Variants in BIRC6 observed in about 807,000 individuals in gnomAD.
BIRC6 encodes baculoviral IAP repeat containing 6.
Under a neutral mutation model 503.3 loss-of-function variants are expected in BIRC6, and 98 were observed. The ratio of observed to expected loss-of-function variants is 0.19; its 90% CI spans 0.17 to 0.23. BIRC6 has a LOEUF of 0.23. Ranked by LOEUF, BIRC6 falls within the 10% of genes least tolerant of loss-of-function variation. BIRC6 has a pLI of 1.00. For synonymous variants in BIRC6, 2,240 were observed against 2,078.7 expected, an observed-to-expected ratio of 1.08 and a Z score of -2.11; for missense variants, 5,360 against 5,806.0, an observed-to-expected ratio of 0.92 and a Z score of 2.50.
chr2:32,504,688 T>C (rs1285418074), intron 49 of BIRC6, among the ~76,000 whole-genome samples: 2 of 151,500 alleles, frequency 1.3e-5, no homozygotes, highest in African/African-American at 2.4e-5. Context: ...AATAAATAAA[T>C]AAATAATAAA....
At chr2:32,496,320 G>A (rs1470120955) in intron 45 of BIRC6, among the ~76,000 whole-genome samples, 1 of 151,804 alleles carries the variant, frequency 6.6e-6, no homozygotes, top group Admixed American at 6.6e-5. Context: ...CCACCTCCTG[G>A]GTTCGTGCAA....
intron 53 of BIRC6, among the ~76,000 whole-genome samples, chr2:32,511,713 C>T (rs1231716253): frequency 1.3e-5 from 2 of 151,568 alleles, no homozygotes; most frequent in Non-Finnish European, 2.9e-5. Context: ...GTGTAGCATC[C>T]ATATTAGAAA....
At chr2:32,553,990 C>CA (rs1399256189) in intron 65 of BIRC6, among the ~76,000 whole-genome samples, 3 of 152,108 alleles carry the variant, frequency 2.0e-5, no homozygotes, top group African/African-American at 7.2e-5. Flanking sequence ...TTGTAGGCCA[C>CA]AATCATTTTT....
intron 1 of BIRC6, among the ~76,000 whole-genome samples, chr2:32,375,539 G>A (rs556535719): frequency 3.9e-5 from 6 of 151,920 alleles, no homozygotes; most frequent in South Asian, 4.2e-4. Flanking sequence ...CGCCCACCTC[G>A]GCCTCCCAAA....
intron 6 of BIRC6, among the ~76,000 whole-genome samples, chr2:32,398,284 C>G (rs1290884380): frequency 6.6e-6 from 1 of 152,068 alleles, no homozygotes; most frequent in Non-Finnish European, 1.5e-5. Context: ...AATCGGAATC[C>G]TTTTAAATGC....
At chr2:32,599,019 C>G (rs1164140759) in intron 69 of BIRC6, among the ~76,000 whole-genome samples, 1 of 46,658 alleles carries the variant, frequency 2.1e-5, no homozygotes, top group Non-Finnish European at 3.6e-5. Context: ...GAAACTCCAT[C>G]TCAAAAAAAA....
rs1303861136 is a variant in BIRC6 at position 32,436,177 on chromosome 2, T to C, written c.3624T>C (p.Leu1208=). The C allele has an allele frequency of 7.0e-7, 1 of 1,438,400 alleles. No individual in the cohort carries two copies. The highest frequency in any genetic ancestry group is 9.3e-7 in the Non-Finnish European group (1 of 1,076,544). The allele number at this position is 1,438,400 out of a possible 1,614,324, so 89.1% of individuals were successfully genotyped here. A position where few individuals can be genotyped will look rare whatever the true frequency, so the allele number is the denominator to read the frequency against. ...TGTTGACGTTAACAAGCCCCAAACT[T>C]GTTAAAGGTGAAGTAATACATTTTA... The part of the protein sequence containing the change: ...AGMLTLTSPK[L]VKGMAGGKYR... The change falls in exon 15 of 74, where the codon CTT becomes CTC. Residue 1208 remains leucine (L), a synonymous_variant. Coordinates refer to ENST00000421745, the MANE Select transcript of BIRC6 (RefSeq NM_016252.4).
At chr2:32,584,830 C>A (rs1407629471) in intron 66 of BIRC6, among the ~76,000 whole-genome samples, 1 of 152,196 alleles carries the variant, frequency 6.6e-6, no homozygotes, top group Non-Finnish European at 1.5e-5. Context: ...CAAGGACTTG[C>A]ACTCTAGGTG....
intron 15 of BIRC6, among the ~76,000 whole-genome samples, chr2:32,437,795 CTT>C (rs2044896032): frequency 6.6e-6 from 1 of 152,010 alleles, no homozygotes; most frequent in African/African-American, 2.4e-5. Flanking sequence ...AAGTTTTGTG[CTT>C]TCTTATTGTC....
chr2:32,590,525 G>T (rs1043794259), intron 66 of BIRC6, among the ~76,000 whole-genome samples: 1 of 152,142 alleles, frequency 6.6e-6, no homozygotes, highest in Non-Finnish European at 1.5e-5. Flanking sequence ...TTCTGACATG[G>T]TGTATTTAGT....
At chr2:32,461,745 G>T (rs1003107057) in intron 23 of BIRC6, among the ~76,000 whole-genome samples, 46 of 152,142 alleles carry the variant, frequency 3.0e-4, no homozygotes, top group Admixed American at 2.6e-4. Context: ...CTGTTAGATT[G>T]CCTGGATTTT....
intron 71 of BIRC6, among the ~76,000 whole-genome samples, chr2:32,603,591 G>A (rs571484804): frequency 2.0e-5 from 3 of 152,162 alleles, no homozygotes; most frequent in South Asian, 2.1e-4. Flanking sequence ...GAGGTGGTGC[G>A]TGCCTATAAT....
chr2:32,357,452 C>T lies in BIRC6; in HGVS notation c.291C>T (p.Thr97=). 6.4e-7 allele frequency: 1 copy of T among 1,550,530 alleles called. No individual in the cohort carries two copies. Among genetic ancestry groups the T allele is most frequent in the Non-Finnish European group, 8.7e-7 (1 of 1,147,200 alleles). Residue 97 remains threonine, a synonymous_variant, in exon 1 of 74, where the codon ACC becomes ACT. Transcript: ENST00000421745. This position sits in a 1 kb window ranked among gnomAD's most constrained non-coding sequence, Gnocchi z 4.9. ...SRGTIKVIDG[T]SGATLQASAL... Reference sequence around the variant, plus strand: ...GGACCATCAAAGTCATCGACGGCACCTCGGGGGCCACACTGCAGGCCTCCG... The same window carrying T: ...GGACCATCAAAGTCATCGACGGCACTTCGGGGGCCACACTGCAGGCCTCCG...
chr2:32,375,428 G>A (rs919491067), intron 1 of BIRC6, among the ~76,000 whole-genome samples: 2 of 151,990 alleles, frequency 1.3e-5, no homozygotes, highest in African/African-American at 4.8e-5. Context: ...CAGGAGGATG[G>A]CTTGAGCCCC....
At chr2:32,381,540 CTTTTT>C (rs71407447) in intron 3 of BIRC6, among the ~76,000 whole-genome samples, 1 of 125,348 alleles carries the variant, frequency 8.0e-6, no homozygotes, top group African/African-American at 3.0e-5. Flanking sequence ...GCACCTGGCT[CTTTTT>C]TTTTTTTTTT....
At chr2:32,373,468 A>ATCTT (rs1371685504) in intron 1 of BIRC6, among the ~76,000 whole-genome samples, 24 of 152,218 alleles carry the variant, frequency 1.6e-4, no homozygotes, top group African/African-American at 5.8e-4. Flanking sequence ...GGAGGCCAAG[A>ATCTT]CCATTCATTG....
chr2:32,367,522 T>G (rs894084765), intron 1 of BIRC6, among the ~76,000 whole-genome samples: 1 of 151,582 alleles, frequency 6.6e-6, no homozygotes, highest in African/African-American at 2.4e-5. Context: ...ACAGCGCTGT[T>G]AAAAAAAGTA....
In BIRC6 at chr2:32,611,514, G is replaced by A. The variant is rs745662203; in HGVS notation, c.14326G>A (p.Asp4776Asn). ...IMAQCEEWIADIQQYSSDKRV... is the reference protein window; with the variant it reads ...IMAQCEEWIANIQQYSSDKRV... The stretch of plus-strand genomic sequence containing the variant: ...GGCCCAATGTGAGGAGTGGATTGCG[G>A]ATATCCAGCAGTACAGCAGTGATAA... Residue 4776 changes from aspartate to asparagine, a missense_variant, in exon 73 of 74, where the codon GAT (aspartate) becomes AAT (asparagine). Coordinates refer to ENST00000421745, the MANE Select transcript of BIRC6 (RefSeq NM_016252.4). 8.1e-6 allele frequency: 13 copies of A among 1,611,054 alleles called. No homozygotes were observed. In the Admixed American group the frequency reaches 2.2e-4, roughly 27 times the overall value.
intron 29 of BIRC6, among the ~76,000 whole-genome samples, 165 bp downstream of exon 29, chr2:32,468,948 T>C (rs1404036139): frequency 6.6e-6 from 1 of 152,238 alleles, no homozygotes; most frequent in African/African-American, 2.4e-5. Context: ...CTCCCTGTTA[T>C]TTTAAACATT....
Sources: allele counts gnomAD v4.1 joint callset (sites outside exome capture counted in the v4.1 genomes callset), GRCh38; gene constraint gnomAD v4.1.1; non-coding constraint Gnocchi (gnomAD v3.1); transcripts MANE v1.5; gene names NCBI Gene and HGNC (gene_info 2026-07-23, HGNC 2026-07-21).